The following REN variants were observed in gnomAD, a reference collection of about 807,000 sequenced individuals.
The protein encoded by REN is angiotensin-forming enzyme.
A neutral mutation model predicts 48.6 loss-of-function variants in REN; 42 were observed. The ratio of observed to expected loss-of-function variants is 0.86; its 90% CI spans 0.68 to 1.12. REN has a LOEUF of 1.12. Ranked by LOEUF, REN falls within the 50% of genes most tolerant of loss-of-function variation. The probability of loss-of-function intolerance (pLI) is 0.00; values close to 1 mark genes in which losing one functional copy is unlikely to be tolerated. For synonymous variants in REN, 196 were observed against 204.6 expected (o/e 0.96, Z 0.36); for missense variants, 443 against 527.3 (o/e 0.84, Z 1.57).
chr1:204,156,933 G>C lies in REN; in HGVS notation c.699-137C>G. The C allele has an allele frequency of 8.8e-7, 1 of 1,130,666 alleles. No individual in the cohort carries two copies. Among genetic ancestry groups the C allele is most frequent in the Non-Finnish European group, 1.3e-6 (1 of 757,670 alleles). The allele number at this position is 1,130,666 out of a possible 1,614,324, so 70.0% of individuals were successfully genotyped here. A position where few individuals can be genotyped will look rare whatever the true frequency, so the allele number is the denominator to read the frequency against. The stretch of plus-strand genomic sequence containing the variant: ...AGAGGAATGTGGGACAGACAGCCAG[G>C]CTCGGAGCTGTCGTTGGGAAGCATG... On this transcript the variant is annotated intron_variant, in intron 6 of 9. Coordinates refer to ENST00000272190, the MANE Select transcript of REN (RefSeq NM_000537.4). The surrounding 1 kb of genome is among the most constrained non-coding windows in gnomAD (Gnocchi z 4.2).
At chr1:204,161,523 T>A (rs1658247116) in intron 2 of REN, 108 bp from the exon 3 acceptor site, 2 of 1,079,270 alleles carry the variant, frequency 1.9e-6, no homozygotes, top group African/African-American at 3.2e-5. Flanking sequence ...CCAGGCGAGG[T>A]CCTATAGCCT....
chr1:204,162,994 C>G (rs1658276551), intron 1 of REN, among the ~76,000 whole-genome samples: 1 of 152,206 alleles, frequency 6.6e-6, no homozygotes, highest in Non-Finnish European at 1.5e-5. Flanking sequence ...CTCACAGGGA[C>G]AAAGGTGACT....
rs373508887 is a variant in REN at position 204,166,222 on chromosome 1, G to C, written c.72C>G (p.Leu24=). The C allele has an allele frequency of 6.2e-7, 1 of 1,614,170 alleles. No homozygotes were observed. Among genetic ancestry groups the C allele is most frequent in the South Asian group, 1.1e-5 (1 of 91,074 alleles). The change falls in exon 1 of 10, where the codon CTC becomes CTG. Residue 24 remains leucine, a synonymous_variant. Transcript: ENST00000272190. Reference sequence around the variant, plus strand: ...GTTTAAAGGTGGTGGTGTCTGTCGGGAGACCAAAGGTACAGGAGCCCCAGA... The same window carrying C: ...GTTTAAAGGTGGTGGTGTCTGTCGGCAGACCAAAGGTACAGGAGCCCCAGA... ...LLLWGSCTFG[L]PTDTTTFKRI... is the part of the protein sequence containing the mutation.
chr1:204,157,978 T>G (rs1355729633), intron 5 of REN, among the ~76,000 whole-genome samples: 1 of 152,078 alleles, frequency 6.6e-6, no homozygotes, highest in African/African-American at 2.4e-5. Context: ...ATTTAGCTCC[T>G]CTTCTTTCCA....
intron 3 of REN, 142 bp from the exon 4 acceptor site, chr1:204,160,820 T>C: frequency 1.3e-6 from 1 of 766,726 alleles, no homozygotes; most frequent in Non-Finnish European, 2.4e-6. Flanking sequence ...GAATATGTGC[T>C]TCATCAATCA....
intron 1 of REN, among the ~76,000 whole-genome samples, chr1:204,162,619 G>T (rs1010064721): frequency 6.6e-6 from 1 of 152,226 alleles, no homozygotes; most frequent in African/African-American, 2.4e-5. Context: ...ATGCCAGGGA[G>T]TGCCCCTGTC....
Position 204,162,299 on chromosome 1 carries a change from C to T in REN, c.99-136G>A, listed in dbSNP as rs550236578. The T allele has an allele frequency of 1.7e-5, 15 of 890,386 alleles. No individual in the cohort carries two copies. The South Asian group carries it at 1.7e-4, about 10-fold the overall frequency. 55.2% of individuals were successfully genotyped at this position (890,386 alleles called of 1,614,324 possible). On this transcript the variant is annotated intron_variant, in intron 1 of 9. Transcript: ENST00000272190. ...CCAGCCACCTGGAAATCACCTCTGT[C>T]GCTGAGGGCCTCTGGAGCATTTATA...
In REN at chr1:204,156,323, G is replaced by C; in HGVS notation, c.819-4C>G. On this transcript the variant is annotated splice_polypyrimidine_tract_variant and splice_region_variant and intron_variant, in intron 7 of 9. Coordinates refer to ENST00000272190, the MANE Select transcript of REN (RefSeq NM_000537.4). The surrounding 1 kb of genome is among the most constrained non-coding windows in gnomAD (Gnocchi z 4.2). Reference sequence around the variant, plus strand: ...GGTGGATGACCCCACAGACACCCTGGGGGAGGCCACAGTCAGACAGACAGA... The same window carrying C: ...GGTGGATGACCCCACAGACACCCTGCGGGAGGCCACAGTCAGACAGACAGA... 6.2e-7 allele frequency: 1 copy of C among 1,607,880 alleles called. No homozygotes were observed. Among genetic ancestry groups the C allele is most frequent in the Non-Finnish European group, 8.5e-7 (1 of 1,176,650 alleles).
Position 204,154,912 on chromosome 1 carries a change from A to G in REN, c.*104T>C, listed in dbSNP as rs1033469066. On this transcript the variant is annotated 3_prime_UTR_variant, in exon 10 of 10. Transcript: ENST00000272190. ...GCATCCAGCAGGAGCTCCACATCCA[A>G]TGTCTCCATCTGAGGGCATAAGCCC... 58 of 1,351,040 alleles carry G rather than the reference A, an allele frequency of 4.3e-5. No homozygotes were observed. Among genetic ancestry groups the G allele is most frequent in the Admixed American group, 5.4e-5 (3 of 55,712 alleles). The allele number at this position is 1,351,040 out of a possible 1,614,324, so 83.7% of individuals were successfully genotyped here.
intron 1 of REN, among the ~76,000 whole-genome samples, chr1:204,163,655 A>G (rs1658288540): frequency 6.6e-6 from 1 of 151,960 alleles, no homozygotes; most frequent in Non-Finnish European, 1.5e-5. Flanking sequence ...AGCTTACCCC[A>G]AGGCCTCCAG....
In REN at chr1:204,154,942, A is replaced by G. The variant is rs1658121950; in HGVS notation, c.*74T>C. On this transcript the variant is annotated 3_prime_UTR_variant, in exon 10 of 10. Transcript: ENST00000272190. ...TCCATCTGAGGGCATAAGCCCAGGC[A>G]GAGGGGCATCTCAGAGAGTGTTCCA... is the stretch of plus-strand genomic sequence containing the variant. 2 of 1,556,566 alleles carry G rather than the reference A, an allele frequency of 1.3e-6. No individual in the cohort carries two copies. Among genetic ancestry groups the G allele is most frequent in the African/African-American group, 2.7e-5 (2 of 73,954 alleles).
intron 8 of REN, 47 bp from the exon 9 acceptor site, chr1:204,155,965 C>T (rs149039804): frequency 0.012 from 18,307 of 1,538,742 alleles, 156 homozygotes; most frequent in Middle Eastern, 0.022. Flanking sequence ...GAAGACGTCT[C>T]AGCAGACAAG....
In REN at chr1:204,156,799, A is replaced by G; in HGVS notation, c.699-3T>C. Reference sequence around the variant, plus strand: ...GTCCTCCCAGCGATTGGGAATTCCTAAAGGAAAGATCAGAAGCTCTTGGAA... The same window carrying G: ...GTCCTCCCAGCGATTGGGAATTCCTGAAGGAAAGATCAGAAGCTCTTGGAA... On this transcript the variant is annotated splice_region_variant and splice_polypyrimidine_tract_variant and intron_variant, in intron 6 of 9. Transcript: ENST00000272190. This position sits in a 1 kb window ranked among gnomAD's most constrained non-coding sequence, Gnocchi z 4.2. 3 of 1,613,900 alleles carry G rather than the reference A, an allele frequency of 1.9e-6. No homozygotes were observed. Among genetic ancestry groups the G allele is most frequent in the South Asian group, 1.1e-5 (1 of 91,082 alleles).
chr1:204,159,695 T>C, intron 4 of REN, 100 bp from the exon 5 acceptor site: 1 of 994,376 alleles, frequency 1.0e-6, no homozygotes, highest in Non-Finnish European at 1.6e-6. Context: ...GCACACATGC[T>C]CCAGGGTACA....
intron 2 of REN, among the ~76,000 whole-genome samples, chr1:204,161,666 G>A (rs1335997870): frequency 5.9e-5 from 9 of 152,134 alleles, no homozygotes; most frequent in Admixed American, 5.9e-4. Flanking sequence ...AAGCAAACTT[G>A]ACTCTTGAGG....
At chr1:204,163,551 C>T (rs1352964550) in intron 1 of REN, among the ~76,000 whole-genome samples, 2 of 152,186 alleles carry the variant, frequency 1.3e-5, no homozygotes, top group African/African-American at 2.4e-5. Context: ...TACTTCTTGC[C>T]ATTTCCTTTT....
chr1:204,160,061 C>G (rs916941697), intron 4 of REN, among the ~76,000 whole-genome samples: 1 of 152,206 alleles, frequency 6.6e-6, no homozygotes, highest in African/African-American at 2.4e-5. Context: ...GTGCCCCTCC[C>G]CTAACTCTGA....
chr1:204,154,898 G>GGCACGCATCC lies in REN; in HGVS notation c.*117_*118insGGATGCGTGC, dbSNP rs1392992136. The GGCACGCATCC allele has an allele frequency of 1.7e-6, 2 of 1,200,058 alleles. No individual in the cohort carries two copies. The highest frequency in any genetic ancestry group is 3.0e-5 in the African/African-American group (2 of 66,942). 74.3% of individuals were successfully genotyped at this position (1,200,058 alleles called of 1,614,324 possible). A position where few individuals can be genotyped will look rare whatever the true frequency, so the allele number is the denominator to read the frequency against. On this transcript the variant is annotated 3_prime_UTR_variant, in exon 10 of 10. Coordinates refer to ENST00000272190, the MANE Select transcript of REN (RefSeq NM_000537.4). The stretch of plus-strand genomic sequence containing the variant: ...AGGGGTCAGGGCACGCATCCAGCAG[G>GGCACGCATCC]AGCTCCACATCCAATGTCTCCATCT...
At chr1:204,159,886 C>T (rs1197294085) in intron 4 of REN, among the ~76,000 whole-genome samples, 1 of 152,214 alleles carries the variant, frequency 6.6e-6, no homozygotes, top group Non-Finnish European at 1.5e-5. Flanking sequence ...TCCCCAGTGG[C>T]CAGACTTTCG....
Sources: gnomAD v4.1 joint callset for allele counts (sites outside exome capture counted in the v4.1 genomes callset) on GRCh38, gnomAD v4.1.1 for gene constraint, Gnocchi (gnomAD v3.1) non-coding constraint, MANE v1.5 for transcripts, NCBI Gene and HGNC (gene_info 2026-07-23, HGNC 2026-07-21) for gene names.